Variants in DOCK5 observed in about 807,000 individuals in gnomAD.
DOCK5 encodes the protein dedicator of cytokinesis 5, also known as dedicator of cytokinesis protein 5.
Under a neutral mutation model 251.8 loss-of-function variants are expected in DOCK5, and 142 were observed. That is an observed-to-expected ratio of 0.56 (90% confidence interval 0.49 to 0.65). The LOEUF (loss-of-function observed/expected upper bound fraction) is 0.65, where lower values mean the gene tolerates loss of function less well. Ranked by LOEUF, DOCK5 falls within the 30% of genes least tolerant of loss-of-function variation. DOCK5 has a pLI of 0.00. For synonymous variants in DOCK5, 842 were observed against 835.5 expected, an observed-to-expected ratio of 1.01 and a Z score of -0.13; for missense variants, 2,111 against 2,312.3, an observed-to-expected ratio of 0.91 and a Z score of 1.79.
chr8:25,336,133 A>G, intron 21 of DOCK5, 106 bp from the exon 22 acceptor site: 2 of 1,254,446 alleles, frequency 1.6e-6, no homozygotes, highest in African/African-American at 1.5e-5. Flanking sequence ...ATAATTAGTT[A>G]TGACTTCTAC....
At chr8:25,344,639 T>C (rs1274244051) in intron 25 of DOCK5, among the ~76,000 whole-genome samples, 1 of 152,248 alleles carries the variant, frequency 6.6e-6, no homozygotes. Context: ...ATTTGCACTT[T>C]GAAATTGCAA....
chr8:25,235,601 G>A (rs1802775993), intron 1 of DOCK5, among the ~76,000 whole-genome samples: 2 of 151,454 alleles, frequency 1.3e-5, no homozygotes, highest in African/African-American at 2.4e-5. Context: ...CTTTCCTGCT[G>A]TAAGCATTTC....
intron 28 of DOCK5, among the ~76,000 whole-genome samples, chr8:25,360,710 A>C (rs1387105795): frequency 6.6e-6 from 1 of 152,208 alleles, no homozygotes; most frequent in Non-Finnish European, 1.5e-5. Context: ...AATGCCTATG[A>C]GGACTAGCTG....
At chr8:25,285,731 A>G (rs924752072) in intron 5 of DOCK5, among the ~76,000 whole-genome samples, 26 of 152,220 alleles carry the variant, frequency 1.7e-4, no homozygotes, top group African/African-American at 5.3e-4. Flanking sequence ...CTGAAGTACA[A>G]TTAAGCTGGT....
At position 25,389,073 on chromosome 8, in the gene DOCK5, T is replaced by G; in HGVS notation, c.4132-18T>G. ...CTCTTCCTATGTAATGACTTCCCTT[T>G]CTGTGTCTCACCTGCAGAATAAAAT... On this transcript the variant is annotated intron_variant, in intron 40 of 51. Transcript: ENST00000276440. 1 of 1,612,138 alleles carries G rather than the reference T, an allele frequency of 6.2e-7. No individual in the cohort carries two copies. Among genetic ancestry groups the G allele is most frequent in the South Asian group, 1.1e-5 (1 of 91,040 alleles).
intron 14 of DOCK5, 80 bp downstream of exon 14, chr8:25,317,211 T>A: frequency 1.9e-6 from 3 of 1,559,944 alleles, no homozygotes; most frequent in Non-Finnish European, 1.7e-6. Flanking sequence ...GTATTTTAAT[T>A]CTTCTTTGCA....
intron 1 of DOCK5, among the ~76,000 whole-genome samples, chr8:25,192,301 G>T (rs1429123707): frequency 6.6e-6 from 1 of 152,090 alleles, no homozygotes; most frequent in Admixed American, 6.6e-5. Context: ...TGGGATGGCT[G>T]GGTCAAATGG....
At chr8:25,278,467 C>A in intron 4 of DOCK5, 102 bp from the exon 5 acceptor site, 1 of 1,142,586 alleles carries the variant, frequency 8.8e-7, no homozygotes, top group Non-Finnish European at 1.3e-6. Flanking sequence ...CAGGCCTAAC[C>A]AGCTTCATTC....
At chr8:25,403,914 C>G (rs937417810) in intron 48 of DOCK5, among the ~76,000 whole-genome samples, 190 bp downstream of exon 48, 3 of 152,060 alleles carry the variant, frequency 2.0e-5, no homozygotes, top group African/African-American at 7.2e-5. Flanking sequence ...AAGAAATCAC[C>G]CATAATCCTA....
chr8:25,277,600 C>T (rs1349606257), intron 4 of DOCK5: 4 of 152,190 alleles, frequency 2.6e-5, no homozygotes, highest in African/African-American at 9.7e-5. Context: ...GACCAAAAAC[C>T]AGGTCTCCTG....
At chr8:25,255,429 A>G (rs1803395978) in intron 2 of DOCK5, among the ~76,000 whole-genome samples, 1 of 152,240 alleles carries the variant, frequency 6.6e-6, no homozygotes. Flanking sequence ...TTACTAAGTA[A>G]AAAGAGTCAA....
intron 1 of DOCK5, among the ~76,000 whole-genome samples, chr8:25,187,704 A>C (rs1801469502): frequency 6.6e-6 from 1 of 152,002 alleles, no homozygotes. Context: ...CTTCAGCATT[A>C]TCTCTCGAGG....
chr8:25,341,140 A>G (rs529926129), intron 23 of DOCK5, among the ~76,000 whole-genome samples, 152 bp downstream of exon 23: 3 of 152,082 alleles, frequency 2.0e-5, no homozygotes, highest in East Asian at 1.9e-4. Context: ...AAAATAAAGG[A>G]AAAAAAATCC....
At chr8:25,289,506 G>T (rs1804428464) in intron 5 of DOCK5, among the ~76,000 whole-genome samples, 1 of 150,558 alleles carries the variant, frequency 6.6e-6, no homozygotes, top group African/African-American at 2.4e-5. Flanking sequence ...AATTTCAGAA[G>T]TATATGGTTA....
intron 1 of DOCK5, among the ~76,000 whole-genome samples, chr8:25,217,456 C>G (rs1343012935): frequency 6.6e-6 from 1 of 152,084 alleles, no homozygotes; most frequent in African/African-American, 2.4e-5. Flanking sequence ...CTGGGACTTG[C>G]CCTGACCAGT....
At chr8:25,192,655 A>T (rs1013920798) in intron 1 of DOCK5, among the ~76,000 whole-genome samples, 1 of 152,102 alleles carries the variant, frequency 6.6e-6, no homozygotes, top group African/African-American at 2.4e-5. Context: ...ACAGACACAC[A>T]CTACCATGCC....
chr8:25,303,596 G>A (rs971835498), intron 10 of DOCK5, among the ~76,000 whole-genome samples: 2 of 152,170 alleles, frequency 1.3e-5, no homozygotes, highest in African/African-American at 2.4e-5. Flanking sequence ...TCAAGGAAAT[G>A]TTATAATTCT....
At chr8:25,219,449 AT>A (rs1802327501) in intron 1 of DOCK5, among the ~76,000 whole-genome samples, 1 of 151,842 alleles carries the variant, frequency 6.6e-6, no homozygotes, top group African/African-American at 2.4e-5. Flanking sequence ...TGTCCTCCTC[AT>A]TTTGGGACCT....
intron 1 of DOCK5, among the ~76,000 whole-genome samples, chr8:25,235,134 G>A (rs573061627): frequency 5.3e-5 from 8 of 152,260 alleles, no homozygotes; most frequent in Admixed American, 3.3e-4. Flanking sequence ...CAAAACCATA[G>A]GAAGAATGTA....
Sources: gnomAD v4.1 joint callset for allele counts (sites outside exome capture counted in the v4.1 genomes callset) on GRCh38, gnomAD v4.1.1 for gene constraint, MANE v1.5 for transcripts, NCBI Gene and HGNC (gene_info 2026-07-23, HGNC 2026-07-21) for gene names.